Variants in TMEM132C observed in about 807,000 individuals in gnomAD.
The protein encoded by TMEM132C is protein phosphatase 1, regulatory subunit 152.
In TMEM132C, 29 loss-of-function variants were observed where a neutral mutation model predicts 61.4. The ratio of observed to expected loss-of-function variants is 0.47; its 90% CI spans 0.35 to 0.64. TMEM132C has a LOEUF of 0.64. Ranked by LOEUF, TMEM132C falls within the 30% of genes least tolerant of loss-of-function variation. The pLI is 0.00. For synonymous variants in TMEM132C, 656 were observed against 633.1 expected (o/e 1.04, Z -0.54); for missense variants, 1,408 against 1,476.9 (o/e 0.95, Z 0.76).
At chr12:128,396,004 C>T (rs901224835) in intron 1 of TMEM132C, among the ~76,000 whole-genome samples, 7 of 152,266 alleles carry the variant, frequency 4.6e-5, no homozygotes, top group Middle Eastern at 3.4e-3. Context: ...GCAGCTTTGT[C>T]GTGGTCATAG....
At chr12:128,492,237 A>G (rs139694078) in intron 2 of TMEM132C, among the ~76,000 whole-genome samples, 1,848 of 152,236 alleles carry the variant, frequency 0.012, 46 homozygotes, top group African/African-American at 0.041. Flanking sequence ...CATTTTCTTA[A>G]TTCAGTCTAT....
Position 128,494,760 on chromosome 12 carries a change from G to A in TMEM132C, c.975-49197G>A, listed in dbSNP as rs530026815. 2.3e-4 allele frequency among the ~76,000 whole-genome samples: 35 copies of A among 151,706 alleles called. No individual in the cohort carries two copies. In the South Asian group the frequency reaches 4.0e-3, roughly 17 times the overall value. On this transcript the variant is annotated intron_variant, in intron 2 of 8. Coordinates refer to ENST00000435159, the MANE Select transcript of TMEM132C (RefSeq NM_001136103.3). ...TCTTTTCTTCATTAGTCTTGCTAGC[G>A]GTCTATCAATTTTGTTGATCTTTTC...
At chr12:128,384,613 A>G (rs1371126388) in intron 1 of TMEM132C, among the ~76,000 whole-genome samples, 2 of 152,110 alleles carry the variant, frequency 1.3e-5, no homozygotes, top group Non-Finnish European at 2.9e-5. Flanking sequence ...AGGCTCCACT[A>G]AAGCTTCTGG....
At chr12:128,301,897 T>C (rs78976033) in intron 1 of TMEM132C, among the ~76,000 whole-genome samples, 2 of 152,316 alleles carry the variant, frequency 1.3e-5, no homozygotes, top group South Asian at 4.1e-4. Flanking sequence ...AGGCACATCT[T>C]ACATGGTGGC....
At chr12:128,319,967 G>A (rs537370910) in intron 1 of TMEM132C, among the ~76,000 whole-genome samples, 4 of 152,052 alleles carry the variant, frequency 2.6e-5, no homozygotes, top group Non-Finnish European at 4.4e-5. Flanking sequence ...AATTGTTGGC[G>A]GCAGTGTTTA....
At chr12:128,543,888 G>A in intron 2 of TMEM132C, 69 bp from the exon 3 acceptor site, 1 of 1,505,266 alleles carries the variant, frequency 6.6e-7, no homozygotes. Flanking sequence ...CAACTCTGCA[G>A]AGCTGGGCAC....
chr12:128,507,402 C>CTTTTTTTTTT (rs111625089), intron 2 of TMEM132C, among the ~76,000 whole-genome samples: 1 of 113,408 alleles, frequency 8.8e-6, no homozygotes, highest in African/African-American at 3.3e-5. Context: ...TTTTTTCTTT[C>CTTTTTTTTTT]TTTTTTTTTT....
At chr12:128,367,463 G>A (rs1177255492) in intron 1 of TMEM132C, among the ~76,000 whole-genome samples, 1 of 152,186 alleles carries the variant, frequency 6.6e-6, no homozygotes, top group Non-Finnish European at 1.5e-5. Context: ...CAGAGGGTTG[G>A]AAAACAATAG....
chr12:128,392,056 C>CTGTCTCTT (rs1418468854), intron 1 of TMEM132C, among the ~76,000 whole-genome samples: 1 of 68,442 alleles, frequency 1.5e-5, no homozygotes, highest in Non-Finnish European at 2.6e-5. Context: ...GTCTCTGTCT[C>CTGTCTCTT]TCTCTCTTTC....
intron 2 of TMEM132C, among the ~76,000 whole-genome samples, chr12:128,452,013 A>G (rs1870189650): frequency 6.6e-6 from 1 of 152,198 alleles, no homozygotes; most frequent in Non-Finnish European, 1.5e-5. Flanking sequence ...TCCAGAAACA[A>G]TTTGAAAAAG....
At chr12:128,637,095 T>C (rs977827166) in intron 4 of TMEM132C, among the ~76,000 whole-genome samples, 3 of 152,240 alleles carry the variant, frequency 2.0e-5, no homozygotes, top group African/African-American at 7.2e-5. Flanking sequence ...TTCTACATAC[T>C]GATTTGATTT....
intron 2 of TMEM132C, among the ~76,000 whole-genome samples, chr12:128,435,243 T>C (rs184206551): frequency 3.9e-5 from 6 of 152,322 alleles, no homozygotes; most frequent in Non-Finnish European, 7.4e-5. Flanking sequence ...CAGTGAGTGG[T>C]ACTCTGTGAT....
At chr12:128,700,320 G>T (rs554150198) in intron 8 of TMEM132C, among the ~76,000 whole-genome samples, 8 of 152,278 alleles carry the variant, frequency 5.3e-5, no homozygotes, top group African/African-American at 1.9e-4. Context: ...GGGGAAATGC[G>T]CTGGCTTCTC....
At chr12:128,669,651 C>T (rs1054500821) in intron 5 of TMEM132C, 91 bp downstream of exon 5, 26 of 1,449,212 alleles carry the variant, frequency 1.8e-5, no homozygotes, top group Admixed American at 4.3e-5. Flanking sequence ...AAATACATGA[C>T]GTTCAACTAT....
At chr12:128,660,512 G>A (rs1433867215) in intron 4 of TMEM132C, among the ~76,000 whole-genome samples, 1 of 152,164 alleles carries the variant, frequency 6.6e-6, no homozygotes, top group East Asian at 1.9e-4. Flanking sequence ...ACTTAGAAGG[G>A]CCAAATTTTC....
chr12:128,540,979 C>A (rs1873720628), intron 2 of TMEM132C, among the ~76,000 whole-genome samples: 1 of 129,816 alleles, frequency 7.7e-6, no homozygotes, highest in Admixed American at 7.7e-5. Context: ...GTCTCTATCT[C>A]TCTGTCTGTA....
chr12:128,605,800 G>T (rs999248054), intron 3 of TMEM132C, among the ~76,000 whole-genome samples: 1 of 152,208 alleles, frequency 6.6e-6, no homozygotes, highest in Non-Finnish European at 1.5e-5. Flanking sequence ...CCACGCTGGA[G>T]AATTTATACT....
intron 2 of TMEM132C, among the ~76,000 whole-genome samples, chr12:128,536,538 A>AAG (rs56346476): frequency 2.0e-5 from 3 of 151,172 alleles, no homozygotes; most frequent in South Asian, 4.2e-4. Context: ...ATGAAAAAAA[A>AAG]AGAGAAGGTG....
intron 2 of TMEM132C, among the ~76,000 whole-genome samples, chr12:128,460,992 A>G (rs1870515174): frequency 1.3e-5 from 2 of 152,204 alleles, no homozygotes; most frequent in South Asian, 4.1e-4. Flanking sequence ...TGTTCATCAA[A>G]AGCCTGGGAC....
Sources: allele counts gnomAD v4.1 joint callset (sites outside exome capture counted in the v4.1 genomes callset), GRCh38; gene constraint gnomAD v4.1.1; transcripts MANE v1.5; gene names NCBI Gene and HGNC (gene_info 2026-07-23, HGNC 2026-07-21).